The following NKD1 variants were observed in gnomAD, a reference collection of about 807,000 sequenced individuals.
The protein encoded by NKD1 is NKD inhibitor of Wnt signaling pathway 1.
A neutral mutation model predicts 56.0 loss-of-function variants in NKD1; 21 were observed. The ratio of observed to expected loss-of-function variants is 0.38; its 90% CI spans 0.27 to 0.54. The LOEUF (loss-of-function observed/expected upper bound fraction) is 0.54, where lower values mean the gene tolerates loss of function less well. Ranked by LOEUF, NKD1 falls within the 20% of genes least tolerant of loss-of-function variation. The pLI, the probability that NKD1 is intolerant of heterozygous loss-of-function variation, is 0.82. For synonymous variants in NKD1, 263 were observed against 265.7 expected, an observed-to-expected ratio of 0.99 and a Z score of 0.10; for missense variants, 578 against 642.7, an observed-to-expected ratio of 0.90 and a Z score of 1.09.
intron 6 of NKD1, 40 bp downstream of exon 6, chr16:50,625,620 C>A: frequency 7.6e-7 from 1 of 1,312,916 alleles, no homozygotes; most frequent in East Asian, 2.3e-5. Context: ...GTATCATACC[C>A]GCAGGCACAG....
At chr16:50,624,469 T>C (rs1962165069) in intron 5 of NKD1, among the ~76,000 whole-genome samples, 1 of 152,238 alleles carries the variant, frequency 6.6e-6, no homozygotes. Flanking sequence ...TAACAGCTAC[T>C]ACCATTGATT....
At chr16:50,602,191 G>T (rs933174136) in intron 3 of NKD1, among the ~76,000 whole-genome samples, 4 of 152,188 alleles carry the variant, frequency 2.6e-5, no homozygotes, top group Middle Eastern at 3.2e-3. Context: ...TAACAGGTCC[G>T]CAGGGGAGAG....
At chr16:50,579,983 C>T (rs1016976891) in intron 3 of NKD1, among the ~76,000 whole-genome samples, 12 of 152,250 alleles carry the variant, frequency 7.9e-5, no homozygotes, top group East Asian at 3.9e-4. Context: ...CTGCTGCACA[C>T]GCACCCTAAC....
At chr16:50,605,842 G>A (rs1961694773) in intron 3 of NKD1, among the ~76,000 whole-genome samples, 1 of 152,174 alleles carries the variant, frequency 6.6e-6, no homozygotes, top group Non-Finnish European at 1.5e-5. Flanking sequence ...TGCACAGTAA[G>A]TGTCAGCTGT....
chr16:50,571,009 TGTGCA>T, intron 3 of NKD1: 9 of 985,156 alleles, frequency 9.1e-6, no homozygotes, highest in Non-Finnish European at 1.1e-5. Context: ...CCCTCCTGGG[TGTGCA>T]CCTGTCCCGC....
chr16:50,604,115 A>G (rs1961654802), intron 3 of NKD1, among the ~76,000 whole-genome samples: 1 of 152,202 alleles, frequency 6.6e-6, no homozygotes, highest in South Asian at 2.1e-4. Flanking sequence ...AGTAGACAAA[A>G]TAAGTGGAGG....
intron 3 of NKD1, among the ~76,000 whole-genome samples, chr16:50,577,596 G>A (rs1044527466): frequency 8.5e-5 from 13 of 152,128 alleles, no homozygotes; most frequent in African/African-American, 2.7e-4. Context: ...ATGCTGTGCA[G>A]TAGATCTCCA....
At chr16:50,591,317 G>A (rs145428760) in intron 3 of NKD1, among the ~76,000 whole-genome samples, 69 of 152,366 alleles carry the variant, frequency 4.5e-4, no homozygotes, top group African/African-American at 1.5e-3. Flanking sequence ...CTGGCGCTGG[G>A]AGGGTTGGGT....
chr16:50,575,065 A>G (rs1960963456), intron 3 of NKD1: 1 of 985,210 alleles, frequency 1.0e-6, no homozygotes, highest in South Asian at 4.7e-5. Context: ...AGAGAGCTGG[A>G]AAGTTGTTTC....
chr16:50,617,539 T>C (rs139561459), intron 4 of NKD1, among the ~76,000 whole-genome samples: 299 of 152,256 alleles, frequency 2.0e-3, no homozygotes, highest in Non-Finnish European at 3.1e-3. Flanking sequence ...TGGCAGTTGC[T>C]GAGGGTGGAG....
chr16:50,602,638 C>T (rs1016961450), intron 3 of NKD1, among the ~76,000 whole-genome samples: 6 of 152,222 alleles, frequency 3.9e-5, no homozygotes, highest in Admixed American at 1.3e-4. Context: ...TGGAAGTCAC[C>T]GTGGCTGTCG....
intron 3 of NKD1, chr16:50,571,086 G>C (rs1055122756): frequency 1.7e-5 from 13 of 758,076 alleles, no homozygotes; most frequent in Non-Finnish European, 1.9e-5. Flanking sequence ...GGAGAGCTGA[G>C]AGGAAAGTGG....
intron 6 of NKD1, among the ~76,000 whole-genome samples, chr16:50,628,405 A>G (rs994188755): frequency 6.6e-6 from 1 of 152,194 alleles, no homozygotes; most frequent in African/African-American, 2.4e-5. Context: ...CAGCTGCTTC[A>G]GCCTGTGGGA....
intron 3 of NKD1, among the ~76,000 whole-genome samples, chr16:50,597,781 T>TG (rs1961505524): frequency 6.6e-6 from 1 of 152,152 alleles, no homozygotes; most frequent in Non-Finnish European, 1.5e-5. Flanking sequence ...CGGGTGGGAT[T>TG]GGTGCCCTCA....
chr16:50,622,528 CAT>C (rs1484941385), intron 5 of NKD1, among the ~76,000 whole-genome samples: 6 of 152,190 alleles, frequency 3.9e-5, no homozygotes, highest in Admixed American at 1.3e-4. Flanking sequence ...ACCACCAGGG[CAT>C]AGCTCTAGAG....
chr16:50,557,219 C>T (rs1960522269), intron 3 of NKD1: 1 of 152,194 alleles, frequency 6.6e-6, no homozygotes, highest in South Asian at 2.1e-4. Context: ...ATATGTGCCT[C>T]CAAAAAGTAC....
At position 50,632,240 on chromosome 16, in the gene NKD1, G is replaced by A. The variant is rs201562889; in HGVS notation, c.696-41G>A. The stretch of plus-strand genomic sequence containing the variant: ...TAGCCTATGCGCTTGCCCCCACCTG[G>A]TGGTTGGTGTTATCCCACTCACTTG... On this transcript the variant is annotated intron_variant, in intron 8 of 9. Transcript: ENST00000268459. The surrounding 1 kb of genome is among the most constrained non-coding windows in gnomAD (Gnocchi z 4.1). 7 of 1,609,690 alleles carry A rather than the reference G, an allele frequency of 4.3e-6. No homozygotes were observed. Among genetic ancestry groups the A allele is most frequent in the Non-Finnish European group, 5.9e-6 (7 of 1,176,882 alleles).
intron 3 of NKD1, among the ~76,000 whole-genome samples, chr16:50,551,192 C>A (rs1217999501): frequency 6.9e-6 from 1 of 145,984 alleles, no homozygotes; most frequent in Non-Finnish European, 1.5e-5. Context: ...GTGTTCCCAG[C>A]GAGAGGAATG....
chr16:50,593,886 G>A (rs893924714), intron 3 of NKD1, among the ~76,000 whole-genome samples: 1 of 152,094 alleles, frequency 6.6e-6, no homozygotes, highest in Non-Finnish European at 1.5e-5. Context: ...CTAGAAAGCC[G>A]CCAGGGAAAA....
Sources: gnomAD v4.1 joint callset for allele counts (sites outside exome capture counted in the v4.1 genomes callset) on GRCh38, gnomAD v4.1.1 for gene constraint, Gnocchi (gnomAD v3.1) non-coding constraint, MANE v1.5 for transcripts, NCBI Gene and HGNC (gene_info 2026-07-23, HGNC 2026-07-21) for gene names.